The following NRG3 variants were observed in gnomAD, a reference collection of about 807,000 sequenced individuals.
The protein encoded by NRG3 is pro-neuregulin-3, membrane-bound isoform.
A neutral mutation model predicts 66.9 loss-of-function variants in NRG3; 31 were observed. That is an observed-to-expected ratio of 0.46 (90% CI 0.35 to 0.63). The LOEUF (loss-of-function observed/expected upper bound fraction) is 0.63. NRG3 is among the 20% of genes least tolerant of loss of function. The pLI is 0.00. For missense variants in NRG3, 910 were observed against 878.9 expected (o/e 1.04, Z -0.45); for synonymous variants, 393 against 359.4 (o/e 1.09, Z -1.06).
At chr10:82,726,876 A>G (rs1436586771) in intron 2 of NRG3, among the ~76,000 whole-genome samples, 1 of 152,210 alleles carries the variant, frequency 6.6e-6, no homozygotes, top group African/African-American at 2.4e-5. Flanking sequence ...GATATGAACA[A>G]TAAGTTCCAG....
Position 82,869,585 on chromosome 10 carries a change from T to C in NRG3, c.1054+4148T>C, listed in dbSNP as rs1260122896. On this transcript the variant is annotated intron_variant, in intron 4 of 8. Transcript: ENST00000372141. Reference sequence around the variant, plus strand: ...CTTTTTTATTTATTTTATTTTATTTTATTTTATTTTATTTTATTTTATTTT... The same window carrying C: ...CTTTTTTATTTATTTTATTTTATTTCATTTTATTTTATTTTATTTTATTTT... Among the ~76,000 whole-genome samples the C allele has an allele frequency of 2.1e-5, 3 of 141,572 alleles. No individual in the cohort carries two copies. In the East Asian group the frequency reaches 6.1e-4, roughly 29 times the overall value. The allele number at this position is 141,572 out of a possible 152,430, so 92.9% of individuals were successfully genotyped here. A position where few individuals can be genotyped will look rare whatever the true frequency, so the allele number is the denominator to read the frequency against.
intron 1 of NRG3, among the ~76,000 whole-genome samples, chr10:81,995,557 C>T (rs965645025): frequency 1.2e-4 from 18 of 152,192 alleles, no homozygotes; most frequent in African/African-American, 4.1e-4. Flanking sequence ...ATCTTTTCTG[C>T]TTCTTGTGAT....
Position 82,209,922 on chromosome 10 carries a change from T to C in NRG3, c.824-148817T>C, listed in dbSNP as rs554575015. ...GGCTTTTTGGAAATTTTCTAAGTAATGTAATTGATGCAAAAAAATCAAGGA... is the reference window on the plus strand; with the variant it reads ...GGCTTTTTGGAAATTTTCTAAGTAACGTAATTGATGCAAAAAAATCAAGGA... On this transcript the variant is annotated intron_variant, in intron 1 of 8. Coordinates refer to ENST00000372141, the MANE Select transcript of NRG3 (RefSeq NM_001010848.4). Among the ~76,000 whole-genome samples the C allele has an allele frequency of 9.8e-4, 149 of 152,258 alleles. 2 individuals carry two copies. Among genetic ancestry groups the C allele is most frequent in the Admixed American group, 1.8e-3 (27 of 15,276 alleles).
In NRG3 at chr10:82,731,414, T is replaced by C. The variant is rs544393390; in HGVS notation, c.954-7163T>C. 1.6e-3 allele frequency among the ~76,000 whole-genome samples: 243 copies of C among 151,770 alleles called. 1 individual carries two copies. The highest frequency in any genetic ancestry group is 4.8e-3 in the African/African-American group (199 of 41,360). On this transcript the variant is annotated intron_variant, in intron 2 of 8. Transcript: ENST00000372141. ...AAATGTCATTAGTCTTTGACCAATA[T>C]TTATCCAGTCCTTATCCAGCCCCAG... is the stretch of plus-strand genomic sequence containing the variant.
chr10:82,848,246 A>G (rs971667217), intron 3 of NRG3, among the ~76,000 whole-genome samples: 4 of 152,216 alleles, frequency 2.6e-5, no homozygotes, highest in Admixed American at 6.5e-5. Flanking sequence ...AAAGATGTAT[A>G]TGTTATGTCC....
chr10:82,554,302 T>G (rs1238365473), intron 2 of NRG3, among the ~76,000 whole-genome samples: 1 of 152,168 alleles, frequency 6.6e-6, no homozygotes, highest in East Asian at 1.9e-4. Flanking sequence ...TCAAAGAAAT[T>G]ATCAACGTTT....
At chr10:82,341,188 A>G (rs2082668994) in intron 1 of NRG3, among the ~76,000 whole-genome samples, 1 of 152,138 alleles carries the variant, frequency 6.6e-6, no homozygotes, top group Non-Finnish European at 1.5e-5. Flanking sequence ...TCCAAGATGA[A>G]TGAACTACTA....
intron 1 of NRG3, among the ~76,000 whole-genome samples, chr10:81,970,970 T>A (rs1012893834): frequency 2.6e-5 from 4 of 152,130 alleles, no homozygotes; most frequent in Non-Finnish European, 5.9e-5. Context: ...TGAAACCCTG[T>A]CTCTACTAAA....
At chr10:82,422,841 T>C (rs778110728) in intron 2 of NRG3, among the ~76,000 whole-genome samples, 1 of 152,012 alleles carries the variant, frequency 6.6e-6, no homozygotes, top group Non-Finnish European at 1.5e-5. Context: ...TCAGAACTTG[T>C]TGAGAGTGGC....
chr10:82,375,988 G>C (rs538021665), intron 2 of NRG3, among the ~76,000 whole-genome samples: 1 of 152,318 alleles, frequency 6.6e-6, no homozygotes, highest in South Asian at 2.1e-4. Context: ...GGGTGTGACT[G>C]TCAGGGGAAA....
At chr10:82,718,993 A>T (rs2057138459) in intron 2 of NRG3, among the ~76,000 whole-genome samples, 1 of 152,246 alleles carries the variant, frequency 6.6e-6, no homozygotes, top group African/African-American at 2.4e-5. Flanking sequence ...TGAAAAAACT[A>T]GAGCTTTGTA....
At chr10:82,397,674 A>T (rs2086800291) in intron 2 of NRG3, among the ~76,000 whole-genome samples, 1 of 152,186 alleles carries the variant, frequency 6.6e-6, no homozygotes. Context: ...TTACAAGGAC[A>T]CTTTGTAATG....
chr10:82,534,181 T>C (rs573234525), intron 2 of NRG3, among the ~76,000 whole-genome samples: 75 of 151,620 alleles, frequency 4.9e-4, no homozygotes, highest in Non-Finnish European at 8.0e-4. Context: ...ACATCCATAC[T>C]ACTACCCAAA....
chr10:82,444,617 A>G (rs1008839019), intron 2 of NRG3, among the ~76,000 whole-genome samples: 27 of 152,224 alleles, frequency 1.8e-4, no homozygotes, highest in African/African-American at 5.1e-4. Flanking sequence ...GACAGGACCA[A>G]TGAAAAGGCA....
intron 1 of NRG3, among the ~76,000 whole-genome samples, chr10:82,287,373 T>G (rs1323988448): frequency 6.6e-6 from 1 of 151,966 alleles, no homozygotes; most frequent in Non-Finnish European, 1.5e-5. Context: ...GAAGCCGGGC[T>G]GATGCCAGTA....
At chr10:82,513,904 A>G (rs1845424526) in intron 2 of NRG3, among the ~76,000 whole-genome samples, 1 of 152,178 alleles carries the variant, frequency 6.6e-6, no homozygotes, top group African/African-American at 2.4e-5. Context: ...ATGGCATCTC[A>G]TTGTGGTTTT....
chr10:82,307,526 G>A (rs2080808556), intron 1 of NRG3, among the ~76,000 whole-genome samples: 1 of 152,030 alleles, frequency 6.6e-6, no homozygotes, highest in African/African-American at 2.4e-5. Flanking sequence ...TATATTTTGG[G>A]CAATGAGGCC....
intron 1 of NRG3, among the ~76,000 whole-genome samples, chr10:81,947,887 G>A (rs554177939): frequency 1.3e-5 from 2 of 152,076 alleles, no homozygotes; most frequent in South Asian, 2.1e-4. Flanking sequence ...ATAGAACCCC[G>A]TATTTGTATT....
intron 2 of NRG3, among the ~76,000 whole-genome samples, chr10:82,569,600 C>T (rs969607177): frequency 2.0e-5 from 3 of 151,638 alleles, no homozygotes; most frequent in Non-Finnish European, 3.0e-5. Context: ...GTTTTCTCCA[C>T]GGAATGCTTC....
Sources: allele counts gnomAD v4.1 joint callset (sites outside exome capture counted in the v4.1 genomes callset), GRCh38; gene constraint gnomAD v4.1.1; transcripts MANE v1.5; gene names NCBI Gene and HGNC (gene_info 2026-07-23, HGNC 2026-07-21).